Variants in ZFAND3 observed in about 807,000 individuals in gnomAD.
The protein encoded by ZFAND3 is AN1-type zinc finger protein 3.
ZFAND3 carries 10 observed loss-of-function variants against 29.6 expected under a neutral mutation model. The observed-to-expected ratio is 0.34, with a 90% CI of 0.21 to 0.57. The LOEUF is 0.57. Among genes scored for constraint, ZFAND3 ranks in the 20% least tolerant of loss-of-function variants. The pLI is 0.86. For missense variants in ZFAND3, 230 were observed against 304.5 expected, an observed-to-expected ratio of 0.76 and a Z score of 1.82; for synonymous variants, 128 against 112.6, an observed-to-expected ratio of 1.14 and a Z score of -0.87.
At chr6:38,057,232 C>T (rs1050110672) in intron 2 of ZFAND3, among the ~76,000 whole-genome samples, 2 of 152,160 alleles carry the variant, frequency 1.3e-5, no homozygotes, top group Non-Finnish European at 2.9e-5. Context: ...TGATGGGAGG[C>T]AGGCTCTGTG....
chr6:38,039,594 G>A (rs561768728), intron 2 of ZFAND3, among the ~76,000 whole-genome samples: 2 of 152,222 alleles, frequency 1.3e-5, no homozygotes, highest in Admixed American at 1.3e-4. Context: ...ACGAATTGAG[G>A]AAAAGCTAGT....
At chr6:37,925,703 C>CAAAAAAAA (rs35278839) in intron 1 of ZFAND3, among the ~76,000 whole-genome samples, 1 of 118,686 alleles carries the variant, frequency 8.4e-6, no homozygotes, top group Non-Finnish European at 1.7e-5. Flanking sequence ...CACTCCATCT[C>CAAAAAAAA]AAAAAAAAAA....
Position 38,152,391 on chromosome 6 carries a change from G to A in ZFAND3, c.*2G>A. ...CGCATCGGGGAGGGGTGCTCCTGAA[G>A]GCCAGGCATGGCCACCACGTGACGC... On this transcript the variant is annotated 3_prime_UTR_variant, in exon 6 of 6. Transcript: ENST00000287218. The A allele has an allele frequency of 3.8e-6, 6 of 1,569,568 alleles. No individual in the cohort carries two copies. The highest frequency in any genetic ancestry group is 5.2e-6 in the Non-Finnish European group (6 of 1,160,676).
intron 1 of ZFAND3, among the ~76,000 whole-genome samples, chr6:37,887,862 G>A (rs1014979502): frequency 6.6e-6 from 1 of 152,198 alleles, no homozygotes; most frequent in Non-Finnish European, 1.5e-5. Flanking sequence ...ATAGCCTTTT[G>A]GAAAACAAGT....
intron 3 of ZFAND3, among the ~76,000 whole-genome samples, chr6:38,064,264 G>C (rs1217506290): frequency 6.6e-6 from 1 of 152,194 alleles, no homozygotes; most frequent in Non-Finnish European, 1.5e-5. Context: ...CCACCAAAAT[G>C]CATGTGAGGC....
intron 2 of ZFAND3, among the ~76,000 whole-genome samples, chr6:37,946,362 TAAG>T (rs1326625672): frequency 6.6e-6 from 1 of 152,206 alleles, no homozygotes; most frequent in Non-Finnish European, 1.5e-5. Flanking sequence ...GCTCCACCCT[TAAG>T]AAGGAAAACA....
chr6:38,047,060 C>T (rs929823048), intron 2 of ZFAND3, among the ~76,000 whole-genome samples: 12 of 151,950 alleles, frequency 7.9e-5, no homozygotes, highest in Admixed American at 2.0e-4. Context: ...CGGTGGTTCA[C>T]CCCTGTAATC....
chr6:37,956,062 G>A (rs1276488622), intron 2 of ZFAND3, among the ~76,000 whole-genome samples: 1 of 152,004 alleles, frequency 6.6e-6, no homozygotes, highest in Admixed American at 6.6e-5. Context: ...TGCTGTGTAG[G>A]GTACTCAGAA....
intron 2 of ZFAND3, among the ~76,000 whole-genome samples, chr6:38,029,642 G>A (rs1179481808): frequency 6.6e-6 from 1 of 152,030 alleles, no homozygotes. Flanking sequence ...AAACCTTATA[G>A]ATAAATAGGC....
chr6:38,067,739 C>T lies in ZFAND3; in HGVS notation c.295+5964C>T, dbSNP rs114210837. ...CTGGAATCAGTTGTTTTGTTGTTCTCAAGTACAGGCAGATGATTGCTCACA... is the reference window on the plus strand; with the variant it reads ...CTGGAATCAGTTGTTTTGTTGTTCTTAAGTACAGGCAGATGATTGCTCACA... On this transcript the variant is annotated intron_variant, in intron 3 of 5. Transcript: ENST00000287218. Among the ~76,000 whole-genome samples, 272 of 152,270 alleles carry T rather than the reference C, an allele frequency of 1.8e-3. 2 individuals carry two copies. The highest frequency in any genetic ancestry group is 6.1e-3 in the African/African-American group (253 of 41,552).
At chr6:38,082,276 C>A in intron 3 of ZFAND3, 116 bp from the exon 4 acceptor site, 1 of 894,832 alleles carries the variant, frequency 1.1e-6, no homozygotes. Flanking sequence ...TACTTCTCCT[C>A]GTTATATTTT....
rs190183501 is a variant in ZFAND3, at chr6:37,917,314, C to T, written c.72-12645C>T. On this transcript the variant is annotated intron_variant, in intron 1 of 5. Transcript: ENST00000287218. The stretch of plus-strand genomic sequence containing the variant: ...CTTTATTTTAATGGGTGACAAAACC[C>T]AATTGCGACGTCCCACCTTCAAGCT... Among the ~76,000 whole-genome samples the T allele has an allele frequency of 2.6e-3, 397 of 152,256 alleles. 3 individuals are homozygous for T. Among genetic ancestry groups the T allele is most frequent in the Admixed American group, 4.4e-3 (68 of 15,286 alleles).
intron 2 of ZFAND3, among the ~76,000 whole-genome samples, chr6:37,957,910 G>A (rs1355338767): frequency 6.6e-6 from 1 of 152,092 alleles, no homozygotes; most frequent in Non-Finnish European, 1.5e-5. Flanking sequence ...GACATATAGG[G>A]TGTTATGCTC....
At chr6:37,883,982 G>A (rs575951647) in intron 1 of ZFAND3, among the ~76,000 whole-genome samples, 2 of 145,426 alleles carry the variant, frequency 1.4e-5, no homozygotes, top group East Asian at 3.9e-4. Flanking sequence ...GAGAAAACTT[G>A]GATGACCAAG....
intron 4 of ZFAND3, among the ~76,000 whole-genome samples, chr6:38,109,873 G>A (rs1177479795): frequency 6.6e-6 from 1 of 152,120 alleles, no homozygotes; most frequent in Non-Finnish European, 1.5e-5. Flanking sequence ...TAGATGATAA[G>A]AGTTGGCCCC....
chr6:37,885,419 A>T (rs866630254), intron 1 of ZFAND3, among the ~76,000 whole-genome samples: 4 of 152,262 alleles, frequency 2.6e-5, no homozygotes, highest in South Asian at 2.1e-4. Context: ...TGTGGAGGGC[A>T]GATTAACTGA....
chr6:38,039,051 C>T (rs1402461711), intron 2 of ZFAND3, among the ~76,000 whole-genome samples: 1 of 152,196 alleles, frequency 6.6e-6, no homozygotes, highest in Non-Finnish European at 1.5e-5. Context: ...AATCACCATA[C>T]TATACTGTTA....
At chr6:37,931,585 G>A (rs909919762) in intron 2 of ZFAND3, among the ~76,000 whole-genome samples, 5 of 150,196 alleles carry the variant, frequency 3.3e-5, no homozygotes, top group African/African-American at 1.2e-4. Context: ...ACAAAAAAAA[G>A]AAATGTTAGT....
intron 5 of ZFAND3, among the ~76,000 whole-genome samples, chr6:38,124,439 G>A (rs895334972): frequency 6.6e-6 from 1 of 152,214 alleles, no homozygotes; most frequent in African/African-American, 2.4e-5. Flanking sequence ...GCCAGGCGGG[G>A]AGGCTCAGGC....
Sources: allele counts gnomAD v4.1 joint callset (sites outside exome capture counted in the v4.1 genomes callset), GRCh38; gene constraint gnomAD v4.1.1; transcripts MANE v1.5; gene names NCBI Gene and HGNC (gene_info 2026-07-23, HGNC 2026-07-21).